Variants in HRH1 observed in about 807,000 individuals in gnomAD.
The protein encoded by HRH1 is histamine receptor H1.
HRH1 carries 6 observed loss-of-function variants against 10.3 expected under a neutral mutation model. That is an observed-to-expected ratio of 0.58 (90% CI 0.32 to 1.15). HRH1 has a LOEUF of 1.15. Ranked by LOEUF, HRH1 falls within the 50% of genes most tolerant of loss-of-function variation. The pLI is 0.05. For synonymous variants in HRH1, 242 were observed against 236.7 expected (o/e 1.02, Z -0.21); for missense variants, 514 against 615.3 (o/e 0.84, Z 1.74).
rs192847687 is a variant in HRH1 at position 11,255,240 on chromosome 3, C to T, written c.-35-3763C>T. ...AGCTTGGGCAATGAGAGTGAAACTC[C>T]GTCTCAAATTAAAATTAAAATTAAA... is the stretch of plus-strand genomic sequence containing the variant. On this transcript the variant is annotated intron_variant, in intron 1 of 1. Transcript: ENST00000431010. Among the ~76,000 whole-genome samples, 827 of 151,982 alleles carry T rather than the reference C, an allele frequency of 5.4e-3. 6 individuals are homozygous for T. The highest frequency in any genetic ancestry group is 6.2e-3 in the Non-Finnish European group (420 of 67,966).
chr3:11,152,156 C>T (rs1301957473), upstream of HRH1, among the ~76,000 whole-genome samples: 3 of 152,254 alleles, frequency 2.0e-5, no homozygotes, highest in East Asian at 1.9e-4. Flanking sequence ...ATTTGCAAAA[C>T]GGGATGACAA....
upstream of HRH1, among the ~76,000 whole-genome samples, chr3:11,150,087 G>A (rs1485582520): frequency 6.6e-6 from 1 of 152,212 alleles, no homozygotes; most frequent in Non-Finnish European, 1.5e-5. Flanking sequence ...AAATGAAAGT[G>A]CCTTTCTGAA....
At chr3:11,151,755 C>T (rs1182189258), upstream of HRH1, among the ~76,000 whole-genome samples, 2 of 152,138 alleles carry the variant, frequency 1.3e-5, no homozygotes, top group African/African-American at 4.8e-5. Flanking sequence ...CCCACCTTGG[C>T]CTCCCCAATC....
rs1475597755 is a variant in HRH1 at position 11,263,276 on chromosome 3, AC to A, written c.*2777del. 6.0e-6 allele frequency: 1 copy of A among 167,032 alleles called. No homozygotes were observed. Among genetic ancestry groups the A allele is most frequent in the African/African-American group, 2.4e-5 (1 of 41,428 alleles). 10.3% of individuals were successfully genotyped at this position (167,032 alleles called of 1,614,324 possible). A position where few individuals can be genotyped will look rare whatever the true frequency, so the allele number is the denominator to read the frequency against. ...CTACTTGGCTTGTGGACAATCTCTGACCTCTTTTGAAGATGGGCACTGCATG... is the reference window on the plus strand; with the variant it reads ...CTACTTGGCTTGTGGACAATCTCTGACTCTTTTGAAGATGGGCACTGCATG... On this transcript the variant is annotated 3_prime_UTR_variant, in exon 2 of 2. Transcript: ENST00000431010.
chr3:11,167,565 C>A (rs1014340225), intron 1 of HRH1, among the ~76,000 whole-genome samples: 17 of 152,258 alleles, frequency 1.1e-4, no homozygotes, highest in Admixed American at 6.5e-5. Context: ...CTTCTCCAGG[C>A]CTGTGATATC....
chr3:11,194,471 A>G lies in HRH1; in HGVS notation c.-36+39917A>G, dbSNP rs780689240. Among the ~76,000 whole-genome samples the G allele has an allele frequency of 3.0e-4, 45 of 152,328 alleles. 2 individuals are homozygous for G. The Middle Eastern group carries it at 0.02, about 69-fold the overall frequency. The stretch of plus-strand genomic sequence containing the variant: ...TACCCACGCTTCATCTCAATGTTAC[A>G]TAAATTTCACCTTTTGCCTCCTTCA... On this transcript the variant is annotated intron_variant, in intron 1 of 1. Coordinates refer to ENST00000431010, the MANE Select transcript of HRH1 (RefSeq NM_001098212.2).
chr3:11,223,537 G>A (rs1478313638), intron 1 of HRH1, among the ~76,000 whole-genome samples: 3 of 151,980 alleles, frequency 2.0e-5, no homozygotes, highest in Non-Finnish European at 2.9e-5. Flanking sequence ...AGAGCTCTCC[G>A]AATTTCAACA....
intron 1 of HRH1, among the ~76,000 whole-genome samples, chr3:11,198,364 T>G (rs943628217): frequency 2.6e-5 from 4 of 152,306 alleles, no homozygotes; most frequent in South Asian, 2.1e-4. Context: ...CTGATCTGTA[T>G]CATTTCCATT....
Position 11,188,210 on chromosome 3 carries a change from T to C in HRH1, c.-36+33656T>C, listed in dbSNP as rs74354638. On this transcript the variant is annotated intron_variant, in intron 1 of 1. Coordinates refer to ENST00000431010, the MANE Select transcript of HRH1 (RefSeq NM_001098212.2). ...CATTGGTAAGAATGCAATCAAAGCA[T>C]AAAGCAGCATGGCTTTTAAGGAGAG... Among the ~76,000 whole-genome samples, 1,010 of 152,346 alleles carry C rather than the reference T, an allele frequency of 6.6e-3. 5 individuals are homozygous for C. The highest frequency in any genetic ancestry group is 0.01 in the Non-Finnish European group (698 of 68,032).
chr3:11,234,255 A>T, intron 1 of HRH1: 1 of 1,543,054 alleles, frequency 6.5e-7, no homozygotes, highest in Non-Finnish European at 8.9e-7. Context: ...GGCCTTCATT[A>T]ACTTGACCCC....
chr3:11,255,831 C>G (rs1047258931), intron 1 of HRH1, among the ~76,000 whole-genome samples: 1 of 152,178 alleles, frequency 6.6e-6, no homozygotes, highest in African/African-American at 2.4e-5. Context: ...GGTCTGACTT[C>G]GAACAGAATG....
intron 1 of HRH1, among the ~76,000 whole-genome samples, chr3:11,197,093 C>T (rs1465780916): frequency 6.7e-6 from 1 of 150,144 alleles, no homozygotes; most frequent in African/African-American, 2.5e-5. Context: ...CCACTGCACT[C>T]TAGCCTGGGC....
intron 1 of HRH1, among the ~76,000 whole-genome samples, chr3:11,141,800 A>G (rs1936296778): frequency 6.6e-6 from 1 of 152,068 alleles, no homozygotes; most frequent in African/African-American, 2.4e-5. Context: ...AATACCAGAA[A>G]GTGTCAGGGC....
intron 1 of HRH1, among the ~76,000 whole-genome samples, chr3:11,179,358 C>T (rs189283418): frequency 1.7e-4 from 26 of 151,910 alleles, no homozygotes; most frequent in African/African-American, 5.6e-4. Flanking sequence ...CGGTGGCTCA[C>T]GCCTGTAATG....
intron 1 of HRH1, among the ~76,000 whole-genome samples, chr3:11,257,498 T>C (rs185041630): frequency 6.6e-6 from 1 of 151,378 alleles, no homozygotes; most frequent in South Asian, 2.1e-4. Flanking sequence ...AGCTGGAGAT[T>C]GTAGTGAGCC....
chr3:11,245,818 C>T (rs347588), intron 1 of HRH1, among the ~76,000 whole-genome samples: 97,737 of 151,832 alleles, frequency 0.64, 31,756 homozygotes, highest in East Asian at 0.71. Context: ...CTCCCAATGG[C>T]CCAGGCAGGA....
chr3:11,181,256 C>G, intron 1 of HRH1, among the ~76,000 whole-genome samples: 1 of 152,160 alleles, frequency 6.6e-6, no homozygotes, highest in East Asian at 1.9e-4. Context: ...TGCACTCCAG[C>G]CTGGGTGACA....
chr3:11,174,736 G>T (rs1219145060), intron 1 of HRH1, among the ~76,000 whole-genome samples: 1 of 152,188 alleles, frequency 6.6e-6, no homozygotes, highest in Non-Finnish European at 1.5e-5. Context: ...AAGGCTGGGG[G>T]TGCCCCTCGT....
chr3:11,229,951 T>C (rs1335547933), intron 1 of HRH1, among the ~76,000 whole-genome samples: 1 of 152,110 alleles, frequency 6.6e-6, no homozygotes, highest in Non-Finnish European at 1.5e-5. Flanking sequence ...TTTAGAAAGA[T>C]TGCTTGCAGT....
Sources: gnomAD v4.1 joint callset for allele counts (sites outside exome capture counted in the v4.1 genomes callset) on GRCh38, gnomAD v4.1.1 for gene constraint, MANE v1.5 for transcripts, NCBI Gene and HGNC (gene_info 2026-07-23, HGNC 2026-07-21) for gene names.